Variants in ASIC2 observed in about 807,000 individuals in gnomAD.
ASIC2 encodes the protein acid-sensing ion channel 2.
Under a neutral mutation model 57.3 loss-of-function variants are expected in ASIC2, and 25 were observed. That is an observed-to-expected ratio of 0.44 (90% CI 0.32 to 0.61). The LOEUF is 0.61. ASIC2 is among the 20% of genes least tolerant of loss of function. The pLI, the probability that ASIC2 is intolerant of heterozygous loss-of-function variation, is 0.06. For missense variants in ASIC2, 641 were observed against 738.1 expected (o/e 0.87, Z 1.52); for synonymous variants, 319 against 307.5 (o/e 1.04, Z -0.39).
chr17:33,031,603 C>T (rs1167331280), intron 3 of ASIC2, among the ~76,000 whole-genome samples: 1 of 152,140 alleles, frequency 6.6e-6, no homozygotes, highest in African/African-American at 2.4e-5. Context: ...TTACAAAAGG[C>T]AATTAGGTTT....
chr17:33,397,818 A>G (rs916016556), intron 1 of ASIC2, among the ~76,000 whole-genome samples: 2 of 152,176 alleles, frequency 1.3e-5, no homozygotes, highest in African/African-American at 4.8e-5. Flanking sequence ...CTTCTACAAC[A>G]CTTTGATTTG....
intron 1 of ASIC2, among the ~76,000 whole-genome samples, chr17:33,666,047 G>T (rs184789025): frequency 1.3e-5 from 2 of 152,164 alleles, no homozygotes; most frequent in Non-Finnish European, 2.9e-5. Flanking sequence ...GGCACCCGAC[G>T]TGAGAATGGA....
At chr17:33,744,868 A>G (rs1256191608) in intron 1 of ASIC2, among the ~76,000 whole-genome samples, 2 of 152,218 alleles carry the variant, frequency 1.3e-5, no homozygotes, top group African/African-American at 2.4e-5. Flanking sequence ...AAAAAAAGAA[A>G]CAAGTGGAAA....
At chr17:33,235,192 T>C (rs996232603) in intron 1 of ASIC2, among the ~76,000 whole-genome samples, 1 of 152,166 alleles carries the variant, frequency 6.6e-6, no homozygotes, top group Admixed American at 6.5e-5. Context: ...TCTTCAGTCA[T>C]AGGAATAACC....
At chr17:33,100,526 C>T (rs1057443176) in intron 2 of ASIC2, among the ~76,000 whole-genome samples, 1 of 152,222 alleles carries the variant, frequency 6.6e-6, no homozygotes, top group Admixed American at 6.5e-5. Flanking sequence ...CTTCTAGATT[C>T]TCAATCTATC....
In ASIC2 at chr17:33,172,993, A is replaced by C. The variant is rs144293659; in HGVS notation, c.709-60926T>G. ...TGTGGGCCCATGATCCCATTCCTTA[A>C]TCAGTTTGGTCACAGTTTTCTTATC... On this transcript the variant is annotated intron_variant, in intron 1 of 9. Coordinates refer to ENST00000225823, the MANE Select transcript of ASIC2 (RefSeq NM_183377.2). 3.7e-3 allele frequency among the ~76,000 whole-genome samples: 562 copies of C among 152,242 alleles called. 8 individuals carry two copies. Among genetic ancestry groups the C allele is most frequent in the Non-Finnish European group, 6.3e-3 (429 of 68,002 alleles).
intron 1 of ASIC2, among the ~76,000 whole-genome samples, chr17:33,910,095 G>A (rs1486603149): frequency 1.3e-5 from 2 of 152,182 alleles, no homozygotes; most frequent in East Asian, 1.9e-4. Flanking sequence ...TTGGCATGTA[G>A]CAAGAGCCCA....
intron 1 of ASIC2, among the ~76,000 whole-genome samples, chr17:33,855,602 T>G (rs913810842): frequency 2.0e-5 from 3 of 152,144 alleles, no homozygotes; most frequent in African/African-American, 7.2e-5. Context: ...TGTATCCACC[T>G]AGGGGCTTGA....
chr17:33,160,468 C>G (rs1905132570), intron 1 of ASIC2, among the ~76,000 whole-genome samples: 1 of 152,220 alleles, frequency 6.6e-6, no homozygotes. Flanking sequence ...TGCTTACGTT[C>G]TGCCTTGACA....
At chr17:33,757,409 A>C (rs1458570896) in intron 1 of ASIC2, among the ~76,000 whole-genome samples, 2 of 152,142 alleles carry the variant, frequency 1.3e-5, no homozygotes, top group Non-Finnish European at 2.9e-5. Context: ...GGATTGCTTG[A>C]GGTCGGGAGT....
intron 1 of ASIC2, among the ~76,000 whole-genome samples, chr17:33,282,585 C>T (rs1186908239): frequency 6.6e-6 from 1 of 152,052 alleles, no homozygotes; most frequent in African/African-American, 2.4e-5. Flanking sequence ...GGTGATTCTC[C>T]TGCCTCAGCC....
At chr17:33,740,722 G>A (rs1168694843) in intron 1 of ASIC2, among the ~76,000 whole-genome samples, 1 of 152,116 alleles carries the variant, frequency 6.6e-6, no homozygotes, top group Non-Finnish European at 1.5e-5. Context: ...ACTACACACA[G>A]TGCATTCCAA....
chr17:33,816,018 C>T (rs944170661), intron 1 of ASIC2, among the ~76,000 whole-genome samples: 3 of 152,060 alleles, frequency 2.0e-5, no homozygotes, highest in African/African-American at 7.2e-5. Flanking sequence ...GTGCACATTA[C>T]ATAGGGACAC....
chr17:33,493,035 T>C (rs62055328), intron 1 of ASIC2, among the ~76,000 whole-genome samples: 5,782 of 152,326 alleles, frequency 0.038, 159 homozygotes, highest in Non-Finnish European at 0.054. Flanking sequence ...TGAGCAGTTA[T>C]AGAAATACAA....
intron 1 of ASIC2, among the ~76,000 whole-genome samples, chr17:33,275,680 C>T (rs1341607304): frequency 1.3e-5 from 2 of 152,174 alleles, no homozygotes; most frequent in Admixed American, 1.3e-4. Context: ...AAACTGCTTG[C>T]AGACTTCCAT....
At chr17:33,136,772 T>G (rs2092368675) in intron 1 of ASIC2, among the ~76,000 whole-genome samples, 1 of 152,230 alleles carries the variant, frequency 6.6e-6, no homozygotes, top group South Asian at 2.1e-4. Context: ...AGGCTAGGGC[T>G]GACCCTCATT....
chr17:33,233,691 T>C (rs1047625449), intron 1 of ASIC2, among the ~76,000 whole-genome samples: 1 of 152,018 alleles, frequency 6.6e-6, no homozygotes, highest in African/African-American at 2.4e-5. Context: ...TGACGTTGCT[T>C]TCACAATAAT....
chr17:34,039,518 G>A, intron 1 of ASIC2: 1 of 1,613,872 alleles, frequency 6.2e-7, no homozygotes, highest in Non-Finnish European at 8.5e-7. Flanking sequence ...CGCGGTAAGG[G>A]ATTGGATAAG....
intron 1 of ASIC2, among the ~76,000 whole-genome samples, chr17:33,399,698 C>T (rs900208364): frequency 6.6e-6 from 1 of 152,152 alleles, no homozygotes; most frequent in Admixed American, 6.5e-5. Flanking sequence ...GCATCCTTTT[C>T]CCAGCCTCCT....
Sources: gnomAD v4.1 joint callset for allele counts (sites outside exome capture counted in the v4.1 genomes callset) on GRCh38, gnomAD v4.1.1 for gene constraint, MANE v1.5 for transcripts, NCBI Gene and HGNC (gene_info 2026-07-23, HGNC 2026-07-21) for gene names.